PLD1: variants seen among roughly 807,000 people sequenced by gnomAD.
PLD1 encodes the protein choline phosphatase 1.
A neutral mutation model predicts 137.1 loss-of-function variants in PLD1; 112 were observed. The ratio of observed to expected loss-of-function variants is 0.82; its 90% CI spans 0.70 to 0.96. The LOEUF (loss-of-function observed/expected upper bound fraction) is 0.96. Among genes scored for constraint, PLD1 ranks in the 40% least tolerant of loss-of-function variants. The pLI, the probability that PLD1 is intolerant of heterozygous loss-of-function variation, is 0.00. For missense variants in PLD1, 1,321 were observed against 1,342.0 expected, an observed-to-expected ratio of 0.98 and a Z score of 0.24; for synonymous variants, 431 against 454.7, an observed-to-expected ratio of 0.95 and a Z score of 0.66.
chr3:171,753,233 C>T (rs1221013570), intron 1 of PLD1, among the ~76,000 whole-genome samples: 1 of 152,208 alleles, frequency 6.6e-6, no homozygotes, highest in Non-Finnish European at 1.5e-5. Context: ...ACCGCTGCTC[C>T]TATGCATAGT....
Position 171,642,899 on chromosome 3 carries a change from T to C in PLD1, c.2544-10A>G, listed in dbSNP as rs765582079. 1.2e-5 allele frequency: 18 copies of C among 1,535,132 alleles called. No homozygotes were observed. Among genetic ancestry groups the C allele is most frequent in the Non-Finnish European group, 1.5e-5 (17 of 1,114,616 alleles). On this transcript the variant is annotated splice_polypyrimidine_tract_variant and intron_variant, in intron 22 of 26. Transcript: ENST00000351298. ...TCCTCTGCACATGGTTCTGAAAATA[T>C]GTAAAGGAGAAAATAATTACAGAGG...
At chr3:171,755,071 G>A (rs991551064) in intron 1 of PLD1, among the ~76,000 whole-genome samples, 1 of 152,090 alleles carries the variant, frequency 6.6e-6, no homozygotes, top group Non-Finnish European at 1.5e-5. Flanking sequence ...TTCTTTTGCA[G>A]TCATCTGGAG....
chr3:171,626,760 T>A (rs529812361), intron 23 of PLD1, among the ~76,000 whole-genome samples: 1 of 149,192 alleles, frequency 6.7e-6, no homozygotes, highest in Non-Finnish European at 1.5e-5. Context: ...CTAAGCTTCA[T>A]AAGTGAAGGA....
chr3:171,723,427 C>A (rs957446898), intron 8 of PLD1, among the ~76,000 whole-genome samples: 21 of 152,172 alleles, frequency 1.4e-4, no homozygotes, highest in African/African-American at 5.1e-4. Context: ...AGTGCTTCAA[C>A]ACAGATGGAA....
intron 19 of PLD1, among the ~76,000 whole-genome samples, chr3:171,663,025 A>G (rs890858767): frequency 6.6e-6 from 1 of 152,158 alleles, no homozygotes; most frequent in African/African-American, 2.4e-5. Flanking sequence ...TGATCCCATC[A>G]CCTCAGATTA....
At chr3:171,709,448 A>G in intron 10 of PLD1, 112 bp downstream of exon 10, 1 of 765,838 alleles carries the variant, frequency 1.3e-6, no homozygotes, top group Non-Finnish European at 2.1e-6. Flanking sequence ...GCCCTTGTTA[A>G]GTATAATGCA....
chr3:171,745,351 A>G (rs564497698), intron 1 of PLD1, among the ~76,000 whole-genome samples: 3 of 152,234 alleles, frequency 2.0e-5, no homozygotes, highest in African/African-American at 7.2e-5. Context: ...GAGGCTGCAC[A>G]GTTGTGAGTG....
intron 23 of PLD1, among the ~76,000 whole-genome samples, chr3:171,636,559 T>C (rs1469298997): frequency 6.6e-6 from 1 of 152,150 alleles, no homozygotes; most frequent in African/African-American, 2.4e-5. Context: ...CTTAATTTCA[T>C]TTTCAGTTTA....
intron 23 of PLD1, among the ~76,000 whole-genome samples, chr3:171,631,710 G>A (rs1734682744): frequency 6.6e-6 from 1 of 151,992 alleles, no homozygotes; most frequent in Admixed American, 6.6e-5. Flanking sequence ...GGCCAAATCT[G>A]GGCAAGCTGA....
rs1553819290 is a variant in PLD1, at chr3:171,682,167, A to AGAAAGAAG, written c.1868-4474_1868-4473insCTTCTTTC. Among the ~76,000 whole-genome samples, 74 of 30,068 alleles carry AGAAAGAAG rather than the reference A, an allele frequency of 2.5e-3. 1 individual carries two copies. Among genetic ancestry groups the AGAAAGAAG allele is most frequent in the Non-Finnish European group, 3.9e-3 (58 of 14,690 alleles). The allele number at this position is 30,068 out of a possible 152,430, so 19.7% of individuals were successfully genotyped here. On this transcript the variant is annotated intron_variant, in intron 16 of 26. Transcript: ENST00000351298. ...AAGAAAGAAAGAAAGAAAGAAAGAA[A>AGAAAGAAG]AAGAAAGAAAGAAAGAAAGAAAGGG...
At position 171,663,934 on chromosome 3, in the gene PLD1, C is replaced by T. The variant is rs6769286; in HGVS notation, c.2230-1764G>A. Among the ~76,000 whole-genome samples the T allele has an allele frequency of 6.9e-3, 1,043 of 152,212 alleles. 11 individuals are homozygous for T. Among genetic ancestry groups the T allele is most frequent in the African/African-American group, 0.02 (823 of 41,536 alleles). ...TAAAAGGCCTGGAAAAATTCTTGTT[C>T]AAATCAATAACTTTAAAATTGCAAC... On this transcript the variant is annotated intron_variant, in intron 19 of 26. Coordinates refer to ENST00000351298, the MANE Select transcript of PLD1 (RefSeq NM_002662.5).
At chr3:171,703,510 C>A (rs1346299456) in intron 11 of PLD1, among the ~76,000 whole-genome samples, 1 of 152,038 alleles carries the variant, frequency 6.6e-6, no homozygotes, top group African/African-American at 2.4e-5. Flanking sequence ...GGTAAATACA[C>A]AAAAATCAAT....
intron 23 of PLD1, among the ~76,000 whole-genome samples, chr3:171,624,073 A>G (rs1225671401): frequency 6.6e-6 from 1 of 152,096 alleles, no homozygotes; most frequent in East Asian, 1.9e-4. Context: ...ACAAAACACG[A>G]CAAGCAAAAA....
intron 8 of PLD1, among the ~76,000 whole-genome samples, chr3:171,720,527 G>C (rs1718051522): frequency 6.6e-6 from 1 of 151,326 alleles, no homozygotes; most frequent in Non-Finnish European, 1.5e-5. Context: ...AGCTTGCAGT[G>C]AGCGGAGATC....
chr3:171,686,811 A>T lies in PLD1; in HGVS notation c.1754-13T>A. 7.8e-7 allele frequency: 1 copy of T among 1,287,970 alleles called. No individual in the cohort carries two copies. The highest frequency in any genetic ancestry group is 1.9e-4 in the Middle Eastern group (1 of 5,242). 79.8% of individuals were successfully genotyped at this position (1,287,970 alleles called of 1,614,324 possible). On this transcript the variant is annotated splice_polypyrimidine_tract_variant and intron_variant, in intron 15 of 26. Transcript: ENST00000351298. ...TGATTAAAATAACCTAGAGAAATTA[A>T]GAATTTTTTTACAAAAAAATACAAA...
intron 1 of PLD1, among the ~76,000 whole-genome samples, chr3:171,764,826 AG>A (rs58706161): frequency 0.62 from 14,396 of 23,216 alleles, 4,720 homozygotes; most frequent in Middle Eastern, 0.81. Context: ...AGAAAGAAAG[AG>A]AAAGAAAGAA....
chr3:171,753,044 T>C (rs1476740136), intron 1 of PLD1, among the ~76,000 whole-genome samples: 1 of 152,176 alleles, frequency 6.6e-6, no homozygotes, highest in Non-Finnish European at 1.5e-5. Context: ...CATACAAGCC[T>C]GTTTCAGGGG....
At chr3:171,767,254 C>T (rs1474629198) in intron 1 of PLD1, among the ~76,000 whole-genome samples, 8 of 152,182 alleles carry the variant, frequency 5.3e-5, no homozygotes, top group Admixed American at 3.3e-4. Context: ...TACGGCCTGG[C>T]CACTACTGGT....
At chr3:171,711,167 C>CTT (rs562934959) in intron 9 of PLD1, among the ~76,000 whole-genome samples, 83 of 94,786 alleles carry the variant, frequency 8.8e-4, no homozygotes, top group Admixed American at 1.7e-3. Context: ...CTGTGCCAGC[C>CTT]TTTTTTTTTT....
Sources: gnomAD v4.1 joint callset for allele counts (sites outside exome capture counted in the v4.1 genomes callset) on GRCh38, gnomAD v4.1.1 for gene constraint, MANE v1.5 for transcripts, NCBI Gene and HGNC (gene_info 2026-07-23, HGNC 2026-07-21) for gene names.